Variants in EI24 observed in about 807,000 individuals in gnomAD.
EI24 encodes EI24 autophagy associated transmembrane protein, also known as etoposide-induced protein 2.4 homolog.
In EI24, 21 loss-of-function variants were observed where a neutral mutation model predicts 48.6. The observed-to-expected ratio is 0.43, with a 90% CI of 0.31 to 0.62. The LOEUF is 0.62. Among genes scored for constraint, EI24 ranks in the 20% least tolerant of loss-of-function variants. EI24 has a pLI of 0.10. For missense variants in EI24, 280 were observed against 410.5 expected, an observed-to-expected ratio of 0.68 and a Z score of 2.75; for synonymous variants, 114 against 145.5, an observed-to-expected ratio of 0.78 and a Z score of 1.56.
At chr11:125,577,081 A>G (rs935330873) in intron 4 of EI24, among the ~76,000 whole-genome samples, 2 of 151,956 alleles carry the variant, frequency 1.3e-5, no homozygotes, top group African/African-American at 4.8e-5. Flanking sequence ...CTCCTGATTT[A>G]TTTTATTTAT....
intron 7 of EI24, 60 bp from the exon 8 acceptor site, chr11:125,580,033 G>A (rs1938929389): frequency 3.8e-6 from 5 of 1,308,846 alleles, no homozygotes; most frequent in African/African-American, 1.5e-5. Flanking sequence ...GAGAGTGACA[G>A]GTGAATGGTG....
chr11:125,577,610 T>A, intron 5 of EI24, 40 bp downstream of exon 5: 1 of 1,525,720 alleles, frequency 6.6e-7, no homozygotes, highest in Non-Finnish European at 9.0e-7. Context: ...GGGGACAGAG[T>A]GGGAGATGAT....
In EI24 at chr11:125,579,144, GAC is replaced by G. The variant is rs1048194400; in HGVS notation, c.561+78_561+79del. 2.8e-5 allele frequency: 40 copies of G among 1,407,454 alleles called. No individual in the cohort carries two copies. In the African/African-American group the frequency reaches 4.8e-4, roughly 17 times the overall value. The allele number at this position is 1,407,454 out of a possible 1,614,324, so 87.2% of individuals were successfully genotyped here. On this transcript the variant is annotated intron_variant, in intron 7 of 10. Transcript: ENST00000278903. ...GTTTCACTAGAGAGAACTTCACAAA[GAC>G]AGAGTATTATATTTATACAGAGTAT...
In EI24 at chr11:125,583,717, G is replaced by T; in HGVS notation, c.*34G>T. ...CCATCCAAAGGGGATGGGCGGGATT[G>T]GAAGAAGCTGTGGCAGCTCTTTTCC... On this transcript the variant is annotated 3_prime_UTR_variant, in exon 11 of 11. Transcript: ENST00000278903. 1 of 1,597,810 alleles carries T rather than the reference G, an allele frequency of 6.3e-7. No individual in the cohort carries two copies.
chr11:125,581,258 T>G lies in EI24; in HGVS notation c.721T>G (p.Tyr241Asp). 1.9e-6 allele frequency: 3 copies of G among 1,612,412 alleles called. No individual in the cohort carries two copies. Among genetic ancestry groups the G allele is most frequent in the Non-Finnish European group, 2.5e-6 (3 of 1,178,988 alleles). Residue 241 changes from tyrosine (Y) to aspartate (D), a missense_variant, in exon 9 of 11, where the codon TAC becomes GAC. By Grantham distance (160) the Tyr-to-Asp change is radical. Transcript: ENST00000278903. ...GTCTAACATAGAAAGGAATTGGCCT[T>G]ACTACTTTGGGTTTGGTTTGCCCTT... is the stretch of plus-strand genomic sequence containing the variant. ...RLSNIERNWP[Y>D]YFGFGLPLAF...
chr11:125,570,831 TGTC>T (rs1938507513), intron 1 of EI24, among the ~76,000 whole-genome samples: 1 of 152,204 alleles, frequency 6.6e-6, no homozygotes, highest in South Asian at 2.1e-4. Context: ...TACAAACTAG[TGTC>T]GTGCATATCA....
chr11:125,579,965 G>C, intron 7 of EI24, 128 bp from the exon 8 acceptor site: 1 of 751,186 alleles, frequency 1.3e-6, no homozygotes, highest in Non-Finnish European at 2.4e-6. Flanking sequence ...TGCCCACCCT[G>C]CACTCGGCCT....
chr11:125,577,933 G>A, intron 5 of EI24, 200 bp from the exon 6 acceptor site: 1 of 645,734 alleles, frequency 1.5e-6, no homozygotes, highest in Admixed American at 2.9e-5. Flanking sequence ...ACATATCTAT[G>A]GTTTCTTTGA....
intron 6 of EI24, 98 bp from the exon 7 acceptor site, chr11:125,578,851 C>T (rs1316222979): frequency 3.6e-6 from 5 of 1,388,766 alleles, no homozygotes; most frequent in Middle Eastern, 2.5e-4. Flanking sequence ...TAAGCCTTTT[C>T]TTAACTGGCA....
intron 8 of EI24, 43 bp downstream of exon 8, chr11:125,580,247 G>A: frequency 7.1e-7 from 1 of 1,410,106 alleles, no homozygotes; most frequent in Non-Finnish European, 1.0e-6. Context: ...GGCCCAGTTT[G>A]GAAATGCTAC....
chr11:125,579,265 A>G (rs1938885491), intron 7 of EI24, among the ~76,000 whole-genome samples, 197 bp downstream of exon 7: 1 of 152,090 alleles, frequency 6.6e-6, no homozygotes, highest in Non-Finnish European at 1.5e-5. Flanking sequence ...TATAAGAAAC[A>G]TGAATTTACC....
chr11:125,569,694 CT>C, intron 1 of EI24, 121 bp downstream of exon 1: 1 of 318,660 alleles, frequency 3.1e-6, no homozygotes, highest in Non-Finnish European at 5.7e-6. Context: ...GCGAGGACCC[CT>C]TATGGGAAGG....
At chr11:125,571,414 G>A (rs1360302134) in intron 1 of EI24, among the ~76,000 whole-genome samples, 1 of 152,174 alleles carries the variant, frequency 6.6e-6, no homozygotes, top group Non-Finnish European at 1.5e-5. Context: ...GAACTCTCAA[G>A]TTCTTAATTT....
At chr11:125,574,585 A>G (rs1938659509) in intron 2 of EI24, 1 of 152,214 alleles carries the variant, frequency 6.6e-6, no homozygotes, top group African/African-American at 2.4e-5. Flanking sequence ...GTAGACGAGA[A>G]TGCTATCCAT....
At chr11:125,582,516 ACTGTAGG>A in intron 10 of EI24, 96 bp downstream of exon 10, 2 of 958,790 alleles carry the variant, frequency 2.1e-6, no homozygotes, top group Non-Finnish European at 3.0e-6. Flanking sequence ...AAAAATTCTT[ACTGTAGG>A]AAAATCTTAA....
chr11:125,572,350 C>G lies in EI24; in HGVS notation c.-70-108C>G, dbSNP rs1302919010. The G allele has an allele frequency of 4.8e-6, 3 of 624,802 alleles. No individual in the cohort carries two copies. In the East Asian group the frequency reaches 8.2e-5, roughly 17 times the overall value. The allele number at this position is 624,802 out of a possible 1,614,324, so 38.7% of individuals were successfully genotyped here. A position where few individuals can be genotyped will look rare whatever the true frequency, so the allele number is the denominator to read the frequency against. ...ACTCTATTAGTGCTAGAATCTACTG[C>G]TATCTTACTAGAGCTACAAGTATGT... On this transcript the variant is annotated intron_variant, in intron 1 of 10. Coordinates refer to ENST00000278903, the MANE Select transcript of EI24 (RefSeq NM_004879.5).
chr11:125,569,551 G>T lies in EI24; in HGVS notation c.-93G>T. ...CTGCGGTGGGCTAGGGGCAGGGCCG[G>T]AGCCGCGGCGGCGGAGCTGTGGGTA... On this transcript the variant is annotated 5_prime_UTR_variant, in exon 1 of 11. Transcript: ENST00000278903. The T allele has an allele frequency of 2.7e-6, 1 of 373,318 alleles. No homozygotes were observed. Among genetic ancestry groups the T allele is most frequent in the Non-Finnish European group, 4.8e-6 (1 of 209,842 alleles). 23.1% of individuals were successfully genotyped at this position (373,318 alleles called of 1,614,324 possible).
At chr11:125,579,138 CACAAAG>C (rs918176562) in intron 7 of EI24, 70 bp downstream of exon 7, 5 of 1,440,576 alleles carry the variant, frequency 3.5e-6, no homozygotes, top group African/African-American at 2.9e-5. Flanking sequence ...GAGAGAACTT[CACAAAG>C]ACAGAGTATT....
chr11:125,569,511 C>T lies in EI24; in HGVS notation c.-133C>T. 2.6e-6 allele frequency: 1 copy of T among 384,300 alleles called. No homozygotes were observed. The highest frequency in any genetic ancestry group is 2.1e-5 in the African/African-American group (1 of 48,050). 23.8% of individuals were successfully genotyped at this position (384,300 alleles called of 1,614,324 possible). On this transcript the variant is annotated 5_prime_UTR_variant, in exon 1 of 11. Coordinates refer to ENST00000278903, the MANE Select transcript of EI24 (RefSeq NM_004879.5). ...GCAGCGGCCCCGGCCCTGGAAGCGC[C>T]CCGGCGGAGCTGGCCTGCGGTGGGC...
Sources: allele counts gnomAD v4.1 joint callset (sites outside exome capture counted in the v4.1 genomes callset), GRCh38; gene constraint gnomAD v4.1.1; transcripts MANE v1.5; gene names NCBI Gene and HGNC (gene_info 2026-07-23, HGNC 2026-07-21).